Variants in HS3ST2 observed in about 807,000 individuals in gnomAD.
HS3ST2 encodes the protein heparan sulfate glucosamine 3-O-sulfotransferase 2.
A neutral mutation model predicts 26.3 loss-of-function variants in HS3ST2; 17 were observed. The ratio of observed to expected loss-of-function variants is 0.65; its 90% CI spans 0.44 to 0.97. The LOEUF is 0.97. HS3ST2 is among the 50% of genes least tolerant of loss of function. The probability of loss-of-function intolerance (pLI) is 0.00; values close to 1 mark genes in which losing one functional copy is unlikely to be tolerated. For missense variants in HS3ST2, 402 were observed against 501.2 expected (o/e 0.80, Z 1.89); for synonymous variants, 237 against 219.2 (o/e 1.08, Z -0.72).
At chr16:22,847,865 A>G (rs1016589753) in intron 1 of HS3ST2, among the ~76,000 whole-genome samples, 1 of 149,118 alleles carries the variant, frequency 6.7e-6, no homozygotes, top group Non-Finnish European at 1.5e-5. Context: ...GGAGAAAAAG[A>G]AAAAAAAAGA....
chr16:22,867,341 C>T (rs1402757136), intron 1 of HS3ST2, among the ~76,000 whole-genome samples: 1 of 151,870 alleles, frequency 6.6e-6, no homozygotes, highest in Non-Finnish European at 1.5e-5. Context: ...AGCATGGCAC[C>T]AAAGACAGAA....
At chr16:22,834,104 A>T (rs1310226738) in intron 1 of HS3ST2, among the ~76,000 whole-genome samples, 1 of 152,184 alleles carries the variant, frequency 6.6e-6, no homozygotes, top group East Asian at 1.9e-4. Context: ...GGGTGCATGG[A>T]AAAGCAGGGA....
intron 1 of HS3ST2, among the ~76,000 whole-genome samples, chr16:22,902,463 A>G (rs1303605198): frequency 6.6e-6 from 1 of 152,216 alleles, no homozygotes; most frequent in Non-Finnish European, 1.5e-5. Context: ...GGAACAATCT[A>G]TGCAGGTGTC....
At chr16:22,877,364 G>A (rs761087717) in intron 1 of HS3ST2, among the ~76,000 whole-genome samples, 58 of 152,312 alleles carry the variant, frequency 3.8e-4, no homozygotes, top group Non-Finnish European at 6.9e-4. Context: ...ATTGCTGACC[G>A]TGGCGTGCTC....
intron 1 of HS3ST2, among the ~76,000 whole-genome samples, chr16:22,838,331 G>A (rs1319576944): frequency 6.6e-6 from 1 of 152,108 alleles, no homozygotes; most frequent in Non-Finnish European, 1.5e-5. Context: ...TATGTTCGAA[G>A]CTGACCCGCT....
chr16:22,909,039 T>C (rs924716876), intron 1 of HS3ST2, among the ~76,000 whole-genome samples: 3 of 152,188 alleles, frequency 2.0e-5, no homozygotes, highest in Admixed American at 6.5e-5. Flanking sequence ...GCTGCAGGGA[T>C]TTGGCAACAG....
intron 1 of HS3ST2, among the ~76,000 whole-genome samples, chr16:22,879,089 C>G (rs897858548): frequency 2.6e-5 from 4 of 152,230 alleles, no homozygotes; most frequent in African/African-American, 7.2e-5. Flanking sequence ...GAGCACCCAT[C>G]TCCATAAATC....
At chr16:22,912,273 C>T (rs183819999) in intron 1 of HS3ST2, among the ~76,000 whole-genome samples, 48 of 152,206 alleles carry the variant, frequency 3.2e-4, no homozygotes, top group Non-Finnish European at 4.0e-4. Flanking sequence ...CATGACCCAA[C>T]GTATGGCCAT....
intron 1 of HS3ST2, among the ~76,000 whole-genome samples, chr16:22,873,258 G>A (rs1455277467): frequency 6.6e-6 from 1 of 152,192 alleles, no homozygotes; most frequent in Non-Finnish European, 1.5e-5. Flanking sequence ...ACTTCTCTGA[G>A]CCTCACCTTC....
In HS3ST2 at chr16:22,848,803, T is replaced by C. The variant is rs114789125; in HGVS notation, c.485+33708T>C. On this transcript the variant is annotated intron_variant, in intron 1 of 1. Transcript: ENST00000261374. ...ATAACTTAACACGAGGCTCTATGAT[T>C]ATCCCCATGCTGGCTGCCAAGGGAA... 9.3e-3 allele frequency among the ~76,000 whole-genome samples: 1,410 copies of C among 152,296 alleles called. 28 individuals carry two copies. The highest frequency in any genetic ancestry group is 0.032 in the African/African-American group (1,346 of 41,554).
Position 22,915,062 on chromosome 16 carries a change from G to T in HS3ST2, c.604G>T (p.Val202Leu). ...CATGTCCCGAGACACCAAGCTGATC[G>T]TGGTTGTGCGGAACCCTGTGACCCG... The part of the protein sequence containing the change: ...FNMSRDTKLI[V>L]VVRNPVTRAI... The change falls in exon 2 of 2, where the codon GTG becomes TTG. Residue 202 changes from valine (V) to leucine (L), a missense_variant. Coordinates refer to ENST00000261374, the MANE Select transcript of HS3ST2 (RefSeq NM_006043.2). The T allele has an allele frequency of 6.2e-7, 1 of 1,614,000 alleles. No individual in the cohort carries two copies. The highest frequency in any genetic ancestry group is 8.5e-7 in the Non-Finnish European group (1 of 1,179,976).
chr16:22,892,127 A>C (rs1902138359), intron 1 of HS3ST2, among the ~76,000 whole-genome samples: 1 of 151,244 alleles, frequency 6.6e-6, no homozygotes, highest in African/African-American at 2.4e-5. Flanking sequence ...AAAAAAAAAA[A>C]AAAATACAAA....
chr16:22,879,173 C>T (rs1171087860), intron 1 of HS3ST2, among the ~76,000 whole-genome samples: 2 of 152,204 alleles, frequency 1.3e-5, no homozygotes, highest in East Asian at 1.9e-4. Context: ...TCGTCAATGT[C>T]GTCACCAACC....
chr16:22,839,932 A>G (rs764656654), intron 1 of HS3ST2, among the ~76,000 whole-genome samples: 2 of 152,232 alleles, frequency 1.3e-5, no homozygotes, highest in Non-Finnish European at 2.9e-5. Flanking sequence ...TTTTTAATGT[A>G]AAAATAAATG....
intron 1 of HS3ST2, among the ~76,000 whole-genome samples, chr16:22,824,370 AC>A (rs1901049305): frequency 6.6e-6 from 1 of 152,064 alleles, no homozygotes; most frequent in African/African-American, 2.4e-5. Context: ...ACAGAGTGAA[AC>A]CCTGTCTCTA....
chr16:22,866,055 C>A lies in HS3ST2; in HGVS notation c.486-48889C>A, dbSNP rs183945859. ...AATGTAATCAAGAACAATTACCTGA[C>A]TGGTTCCTTACATTATGTTTAAGGC... On this transcript the variant is annotated intron_variant, in intron 1 of 1. Transcript: ENST00000261374. 1.1e-3 allele frequency among the ~76,000 whole-genome samples: 171 copies of A among 152,264 alleles called. 1 individual carries two copies. The highest frequency in any genetic ancestry group is 3.9e-3 in the African/African-American group (163 of 41,550).
chr16:22,906,136 G>A (rs1902347458), intron 1 of HS3ST2, among the ~76,000 whole-genome samples: 1 of 152,140 alleles, frequency 6.6e-6, no homozygotes. Flanking sequence ...ACTTTGGGAG[G>A]CTGAGGCAGG....
At chr16:22,848,321 T>G (rs886973342) in intron 1 of HS3ST2, among the ~76,000 whole-genome samples, 1 of 152,188 alleles carries the variant, frequency 6.6e-6, no homozygotes, top group African/African-American at 2.4e-5. Context: ...TAAATGGAAT[T>G]TGGACTATTG....
Position 22,873,776 on chromosome 16 carries a change from C to T in HS3ST2, c.486-41168C>T, listed in dbSNP as rs1436038249. Among the ~76,000 whole-genome samples, 10 of 152,194 alleles carry T rather than the reference C, an allele frequency of 6.6e-5. 1 individual carries two copies. Among genetic ancestry groups the T allele is most frequent in the Admixed American group, 6.5e-4 (10 of 15,278 alleles). ...GCAGTTTGGCTTGAGTTCACCTGGG[C>T]AGTTCTAGACTGAGCCTGGTCTAGC... On this transcript the variant is annotated intron_variant, in intron 1 of 1. Transcript: ENST00000261374.
Sources: allele counts gnomAD v4.1 joint callset (sites outside exome capture counted in the v4.1 genomes callset), GRCh38; gene constraint gnomAD v4.1.1; transcripts MANE v1.5; gene names NCBI Gene and HGNC (gene_info 2026-07-23, HGNC 2026-07-21).